The following KIF7 variants were observed in gnomAD, a reference collection of about 807,000 sequenced individuals.
KIF7 encodes the protein kinesin family member 7, also known as kinesin-like protein KIF7.
A neutral mutation model predicts 135.7 loss-of-function variants in KIF7; 104 were observed. The ratio of observed to expected loss-of-function variants is 0.77; its 90% CI spans 0.65 to 0.90. KIF7 has a LOEUF of 0.90. Among genes scored for constraint, KIF7 ranks in the 40% least tolerant of loss-of-function variants. The pLI, the probability that KIF7 is intolerant of heterozygous loss-of-function variation, is 0.00. For synonymous variants in KIF7, 883 were observed against 809.4 expected (o/e 1.09, Z -1.54); for missense variants, 2,005 against 1,839.1 (o/e 1.09, Z -1.65).
intron 4 of KIF7, 96 bp from the exon 5 acceptor site, chr15:89,648,870 G>A (rs1301904309): frequency 1.0e-5 from 15 of 1,466,162 alleles, no homozygotes; most frequent in Non-Finnish European, 1.1e-5. Flanking sequence ...CGGTTCCCGT[G>A]GGCTGGAGAC....
chr15:89,628,536 C>G lies in KIF7; in HGVS notation c.3915G>C (p.Arg1305=). The part of the protein sequence containing the change: ...QREAAEPLVG[R]VLPVGEAGLP... ...GGCCTGCCTCACCCACAGGAAGCAC[C>G]CGCCCCACCAGGGGCTCAGCCGCCT... Residue 1305 remains arginine, a synonymous_variant, in exon 19 of 19, where the codon CGG becomes CGC. Transcript: ENST00000394412. 1 of 1,613,260 alleles carries G rather than the reference C, an allele frequency of 6.2e-7. No homozygotes were observed. Among genetic ancestry groups the G allele is most frequent in the Non-Finnish European group, 8.5e-7 (1 of 1,179,972 alleles).
the KIF7 span, among the ~76,000 whole-genome samples, chr15:89,662,864 T>C: frequency 5.4e-4 from 82 of 152,356 alleles, no homozygotes; most frequent in East Asian, 0.015. Flanking sequence ...GAAGCAGGTT[T>C]AGTGTACCTT....
downstream of KIF7, chr15:89,623,569 C>T (rs1963458874): frequency 1.3e-6 from 2 of 1,522,690 alleles, no homozygotes; most frequent in African/African-American, 1.4e-5. Flanking sequence ...TAAAACACTT[C>T]AGAGATCATG....
chr15:89,627,887 C>G (rs1963565293), downstream of KIF7: 1 of 152,914 alleles, frequency 6.5e-6, no homozygotes, highest in Non-Finnish European at 1.5e-5. Flanking sequence ...GTCTCTCAGT[C>G]TCCAGAAAGT....
downstream of KIF7, chr15:89,624,992 T>C (rs549245279): frequency 1.4e-5 from 22 of 1,614,022 alleles, no homozygotes; most frequent in African/African-American, 2.0e-4. Flanking sequence ...ACCTATGAGG[T>C]TGAGCTGGAG....
Position 89,628,692 on chromosome 15 carries a change from G to A in KIF7, c.3759C>T (p.Pro1253=). 6.2e-7 allele frequency: 1 copy of A among 1,613,058 alleles called. No homozygotes were observed. The highest frequency in any genetic ancestry group is 8.5e-7 in the Non-Finnish European group (1 of 1,179,904). ...GGGTGCGGGGGGCCCCCTCAGTGAG[G>A]GGGGACAGCCAGAGAAGCTCGGGTG... ...HLAPELLWLS[P]LTEGAPRTRE... is the part of the protein sequence containing the mutation. The change falls in exon 19 of 19, where the codon CCC becomes CCT. Residue 1253 remains proline (P), a synonymous_variant. Transcript: ENST00000394412.
chr15:89,634,027 G>A lies in KIF7; in HGVS notation c.2395-144C>T, dbSNP rs376727511. On this transcript the variant is annotated intron_variant, in intron 11 of 18. Coordinates refer to ENST00000394412, the MANE Select transcript of KIF7 (RefSeq NM_198525.3). ...AATAATAATAACAGAGGCCGGGTGC[G>A]GTGGCTCACGTCTGTAATCCCAGCA... 497 of 865,352 alleles carry A rather than the reference G, an allele frequency of 5.7e-4. 8 individuals are homozygous for A. The highest frequency in any genetic ancestry group is 4.5e-3 in the South Asian group (314 of 70,270). 53.6% of individuals were successfully genotyped at this position (865,352 alleles called of 1,614,324 possible).
rs765192038 is a variant in KIF7 at position 89,652,894 on chromosome 15, C to T, written c.37G>A (p.Glu13Lys). The change falls in exon 2 of 19, where the codon GAG (glutamate) becomes AAG (lysine). Residue 13 changes from glutamate (E) to lysine (K), a missense_variant. Coordinates refer to ENST00000394412, the MANE Select transcript of KIF7 (RefSeq NM_198525.3). ...CGCAGGGCAACCCGCACTGGGGCCT[C>T]CTCAGCCCCTGGCAGCCTCTGAGCC... ...LEAQRLPGAEEAPVRVALRVR... is the reference protein window; with the variant it reads ...LEAQRLPGAEKAPVRVALRVR... 4 of 1,534,020 alleles carry T rather than the reference C, an allele frequency of 2.6e-6. No individual in the cohort carries two copies. The African/African-American group carries it at 5.5e-5, about 21-fold the overall frequency.
intron 1 of KIF7, among the ~76,000 whole-genome samples, chr15:89,620,608 G>A (rs1041358481): frequency 6.6e-6 from 1 of 152,114 alleles, no homozygotes; most frequent in African/African-American, 2.4e-5. Flanking sequence ...AATTAAAAAA[G>A]GCAGCAGTTG....
At chr15:89,621,613 G>T in intron 1 of KIF7, 2 of 1,405,834 alleles carry the variant, frequency 1.4e-6, no homozygotes, top group Non-Finnish European at 1.9e-6. Context: ...CATGGCCAAG[G>T]AACTCAGAGT....
rs1368924416 is a variant in KIF7 at position 89,646,959 on chromosome 15, G to A, written c.1659C>T (p.Gly553=). ...PGWGGPRLLN[G]LPPGSFVPRP... is the part of the protein sequence containing the mutation. ...GAGGCACAAAGGACCCGGGAGGCAG[G>A]CCATTCAGGAGCCGCGGGCCCCCCC... The change falls in exon 7 of 19, where the codon GGC becomes GGT. Residue 553 remains glycine, a synonymous_variant. Coordinates refer to ENST00000394412, the MANE Select transcript of KIF7 (RefSeq NM_198525.3). The A allele has an allele frequency of 3.1e-6, 5 of 1,613,628 alleles. No individual in the cohort carries two copies. The highest frequency in any genetic ancestry group is 3.4e-6 in the Non-Finnish European group (4 of 1,179,878).
In KIF7 at chr15:89,649,250, C is replaced by T; in HGVS notation, c.647G>A (p.Arg216His). The T allele has an allele frequency of 6.5e-7, 1 of 1,534,492 alleles. No homozygotes were observed. Among genetic ancestry groups the T allele is most frequent in the South Asian group, 1.2e-5 (1 of 83,238 alleles). ...GGTCACGGTGAAGACCGTGTGTGAG[C>T]GGCTAGACAGGTGGTTGAGGTGCGT... Reference protein sequence around the residue: ...GATHLNHLSSRSHTVFTVTLE... With the variant: ...GATHLNHLSSHSHTVFTVTLE... The change falls in exon 4 of 19, where the codon CGC (arginine) becomes CAC (histidine). Residue 216 changes from arginine to histidine, a missense_variant. Coordinates refer to ENST00000394412, the MANE Select transcript of KIF7 (RefSeq NM_198525.3).
chr15:89,632,879 T>C lies in KIF7; in HGVS notation c.2836A>G (p.Lys946Glu), dbSNP rs372233228. 21 of 1,610,254 alleles carry C rather than the reference T, an allele frequency of 1.3e-5. No homozygotes were observed. The highest frequency in any genetic ancestry group is 2.2e-5 in the South Asian group (2 of 90,892). ...LHKREAILAK[K>E]EALMQEKTGL... ...GTCTTCTCCTGCATCAGGGCCTCCTTCTTGGCCAGGATGGCCTCCCGCTTG... is the reference window on the plus strand; with the variant it reads ...GTCTTCTCCTGCATCAGGGCCTCCTCCTTGGCCAGGATGGCCTCCCGCTTG... The change falls in exon 14 of 19, where the codon AAG becomes GAG. Residue 946 changes from lysine (K) to glutamate (E), a missense_variant. By Grantham distance (56) the Lys-to-Glu change is moderately conservative (BLOSUM62 1). Coordinates refer to ENST00000394412, the MANE Select transcript of KIF7 (RefSeq NM_198525.3).
chr15:89,651,176 T>G (rs1013235032), intron 2 of KIF7, among the ~76,000 whole-genome samples: 1 of 152,112 alleles, frequency 6.6e-6, no homozygotes, highest in African/African-American at 2.4e-5. Context: ...CTCGGCTCAC[T>G]GCAACCTCTG....
At chr15:89,639,284 G>A (rs1270567988) in intron 11 of KIF7, among the ~76,000 whole-genome samples, 3 of 151,952 alleles carry the variant, frequency 2.0e-5, no homozygotes, top group Admixed American at 1.3e-4. Flanking sequence ...AGCCAAAATC[G>A]ACAAATGGGA....
chr15:89,619,251 A>T (rs1370931741), intron 1 of KIF7, among the ~76,000 whole-genome samples: 11 of 127,022 alleles, frequency 8.7e-5, no homozygotes, highest in Non-Finnish European at 1.6e-4. Context: ...GGTGAGACAG[A>T]CTCTTGCTCT....
Position 89,648,961 on chromosome 15 carries a change from G to T in KIF7, c.923+13C>A. On this transcript the variant is annotated intron_variant, in intron 4 of 18. Transcript: ENST00000394412. Reference sequence around the variant, plus strand: ...CGGCCCCCAGGCCACATAGGAGCCAGGGGGCAGCTCACCGGGTGATCTTGG... The same window carrying T: ...CGGCCCCCAGGCCACATAGGAGCCATGGGGCAGCTCACCGGGTGATCTTGG... The T allele has an allele frequency of 6.6e-7, 1 of 1,525,862 alleles. No individual in the cohort carries two copies. The allele number at this position is 1,525,862 out of a possible 1,614,324, so 94.5% of individuals were successfully genotyped here.
chr15:89,629,966 A>G, intron 16 of KIF7: 1 of 519,054 alleles, frequency 1.9e-6, no homozygotes, highest in Non-Finnish European at 3.5e-6. Flanking sequence ...CACCCCCACC[A>G]CTGTGACAAC....
chr15:89,629,464 T>C lies in KIF7; in HGVS notation c.3428A>G (p.Glu1143Gly), dbSNP rs755353975. Residue 1143 changes from glutamate (E) to glycine (G), a missense_variant, in exon 17 of 19, where the codon GAG (glutamate) becomes GGG (glycine). Transcript: ENST00000394412. ...GCGGTCCATCTCCAGGCGCTGCCGC[T>C]CCAGGGCCACCTCCAGCCAGTACAC... is the stretch of plus-strand genomic sequence containing the variant. ...RLVYWLEVAL[E>G]RQRLEMDRQL... is the part of the protein sequence containing the mutation. 1.6e-5 allele frequency: 26 copies of C among 1,609,948 alleles called. No homozygotes were observed. In the African/African-American group the frequency reaches 2.7e-4, roughly 17 times the overall value.
Sources: gnomAD v4.1 joint callset for allele counts (sites outside exome capture counted in the v4.1 genomes callset) on GRCh38, gnomAD v4.1.1 for gene constraint, MANE v1.5 for transcripts, NCBI Gene and HGNC (gene_info 2026-07-23, HGNC 2026-07-21) for gene names.